Variants in PUM2 observed in about 807,000 individuals in gnomAD.
PUM2 encodes the protein pumilio homolog 2.
In PUM2, 57 loss-of-function variants were observed where a neutral mutation model predicts 124.5. The observed-to-expected ratio is 0.46, with a 90% confidence interval of 0.37 to 0.57. PUM2 has a LOEUF of 0.57. Among genes scored for constraint, PUM2 ranks in the 20% least tolerant of loss-of-function variants. The pLI, the probability that PUM2 is intolerant of heterozygous loss-of-function variation, is 0.00. For synonymous variants in PUM2, 460 were observed against 446.1 expected (o/e 1.03, Z -0.39); for missense variants, 1,065 against 1,290.6 (o/e 0.83, Z 2.68).
chr2:20,259,863 T>C (rs1665744298), intron 15 of PUM2, among the ~76,000 whole-genome samples: 1 of 152,200 alleles, frequency 6.6e-6, no homozygotes, highest in Non-Finnish European at 1.5e-5. Flanking sequence ...CTGTTTTCCA[T>C]AGCAGCTACA....
In PUM2 at chr2:20,278,570, GTTTT is replaced by G; in HGVS notation, c.1957+9_1957+12del. ...ATACATACAAATAAAAAGGGTTTTGGTTTTTTTTTTACCTAAATGCAAACTGGAT... is the reference window on the plus strand; with the variant it reads ...ATACATACAAATAAAAAGGGTTTTGGTTTTTTACCTAAATGCAAACTGGAT... On this transcript the variant is annotated intron_variant, in intron 13 of 20. Transcript: ENST00000361078. The G allele has an allele frequency of 7.4e-7, 1 of 1,352,880 alleles. No individual in the cohort carries two copies. 83.8% of individuals were successfully genotyped at this position (1,352,880 alleles called of 1,614,324 possible).
In PUM2 at chr2:20,297,913, T is replaced by C. The variant is rs575641436; in HGVS notation, c.884-235A>G. On this transcript the variant is annotated intron_variant, in intron 7 of 20. Coordinates refer to ENST00000361078, the MANE Select transcript of PUM2 (RefSeq NM_015317.5). ...CTGTGAGAATTAAATGTAATACCGA[T>C]TATGACATAACTGTACTGTCTCGAG... 2.6e-4 allele frequency among the ~76,000 whole-genome samples: 40 copies of C among 152,292 alleles called. No individual in the cohort carries two copies. In the South Asian group the frequency reaches 3.5e-3, roughly 13 times the overall value.
intron 1 of PUM2, among the ~76,000 whole-genome samples, chr2:20,332,300 T>C (rs890813474): frequency 6.6e-6 from 1 of 150,418 alleles, no homozygotes; most frequent in Non-Finnish European, 1.5e-5. Flanking sequence ...TGTGTGTGTG[T>C]GTGTGTGTGT....
At chr2:20,298,092 G>A (rs148484391) in intron 7 of PUM2, among the ~76,000 whole-genome samples, 195 of 152,320 alleles carry the variant, frequency 1.3e-3, no homozygotes, top group South Asian at 2.1e-3. Context: ...TTATGAGCTA[G>A]GGATTCAGTG....
chr2:20,335,083 C>G (rs1685719016), intron 1 of PUM2, among the ~76,000 whole-genome samples: 1 of 152,112 alleles, frequency 6.6e-6, no homozygotes, highest in South Asian at 2.1e-4. Context: ...GCCACCACCC[C>G]CAGCAAATTT....
At chr2:20,332,284 T>C (rs918539451) in intron 1 of PUM2, among the ~76,000 whole-genome samples, 1 of 50,254 alleles carries the variant, frequency 2.0e-5, no homozygotes, top group African/African-American at 5.6e-5. Context: ...ACTACTAGAG[T>C]GTGTGTGTGT....
At chr2:20,321,045 C>G (rs1362790831) in intron 2 of PUM2, among the ~76,000 whole-genome samples, 3 of 152,168 alleles carry the variant, frequency 2.0e-5, no homozygotes, top group Non-Finnish European at 4.4e-5. Context: ...CTAAAATAGA[C>G]TAATCTTATG....
chr2:20,249,815 G>C lies in PUM2; in HGVS notation c.*1770C>G, dbSNP rs1264264160. 1 of 152,546 alleles carries C rather than the reference G, an allele frequency of 6.6e-6. No homozygotes were observed. Among genetic ancestry groups the C allele is most frequent in the Non-Finnish European group, 1.5e-5 (1 of 68,014 alleles). 9.4% of individuals were successfully genotyped at this position (152,546 alleles called of 1,614,324 possible). On this transcript the variant is annotated 3_prime_UTR_variant, in exon 21 of 21. Transcript: ENST00000361078. ...TACAAAGCACTTTCTTTATCTTTCA[G>C]AAACTGAATATACACAGCAAGTTTT...
At chr2:20,327,454 T>C in intron 1 of PUM2, 76 bp from the exon 2 acceptor site, 2 of 897,494 alleles carry the variant, frequency 2.2e-6, no homozygotes, top group Non-Finnish European at 3.5e-6. Context: ...TATATTATAT[T>C]GCTGCTATGA....
intron 1 of PUM2, among the ~76,000 whole-genome samples, chr2:20,333,751 T>C (rs1685409963): frequency 1.3e-5 from 2 of 151,984 alleles, no homozygotes; most frequent in Admixed American, 6.6e-5. Flanking sequence ...TGAGATATGG[T>C]TTGGATCTGT....
At position 20,278,839 on chromosome 2, in the gene PUM2, A is replaced by G. The variant is rs377737055; in HGVS notation, c.1721-20T>C. ...TGCCAACTGAAGAAGAAATAAAAAAAACCCTAATTACATACAGTGTTAACT... is the reference window on the plus strand; with the variant it reads ...TGCCAACTGAAGAAGAAATAAAAAAGACCCTAATTACATACAGTGTTAACT... On this transcript the variant is annotated intron_variant, in intron 12 of 20. Coordinates refer to ENST00000361078, the MANE Select transcript of PUM2 (RefSeq NM_015317.5). 422 of 1,582,208 alleles carry G rather than the reference A, an allele frequency of 2.7e-4. No individual in the cohort carries two copies. Among genetic ancestry groups the G allele is most frequent in the Non-Finnish European group, 3.4e-4 (395 of 1,152,830 alleles).
intron 8 of PUM2, 94 bp from the exon 9 acceptor site, chr2:20,294,612 G>T: frequency 7.4e-7 from 1 of 1,350,012 alleles, no homozygotes. Flanking sequence ...AAGGGGGCAG[G>T]AAGAAGACTT....
chr2:20,258,115 C>G, intron 16 of PUM2, 128 bp downstream of exon 16: 1 of 845,376 alleles, frequency 1.2e-6, no homozygotes, highest in East Asian at 2.8e-5. Context: ...GACACAGTAA[C>G]AACATTTTAG....
At chr2:20,325,653 G>A (rs533080361) in intron 2 of PUM2, among the ~76,000 whole-genome samples, 297 of 146,784 alleles carry the variant, frequency 2.0e-3, no homozygotes, top group Non-Finnish European at 3.5e-3. Flanking sequence ...ACGGAGTCTC[G>A]GTTTGTCCCC....
chr2:20,318,740 G>C, intron 2 of PUM2, 95 bp from the exon 3 acceptor site: 2 of 756,838 alleles, frequency 2.6e-6, no homozygotes, highest in Non-Finnish European at 2.1e-6. Context: ...GTATACATTA[G>C]TTTTCAATGC....
chr2:20,307,427 T>C (rs1330998691), intron 7 of PUM2, among the ~76,000 whole-genome samples: 1 of 152,140 alleles, frequency 6.6e-6, no homozygotes, highest in African/African-American at 2.4e-5. Context: ...TATACATACA[T>C]ACTGCATCAA....
intron 5 of PUM2, among the ~76,000 whole-genome samples, chr2:20,309,943 T>G (rs370001955): frequency 3.3e-5 from 5 of 152,124 alleles, no homozygotes; most frequent in African/African-American, 1.2e-4. Flanking sequence ...CACACCTAAT[T>G]TTGTACGTGA....
At chr2:20,309,279 G>C (rs1427701037) in intron 5 of PUM2, among the ~76,000 whole-genome samples, 1 of 152,010 alleles carries the variant, frequency 6.6e-6, no homozygotes, top group Non-Finnish European at 1.5e-5. Context: ...AAGAACAAAA[G>C]CAACTATTTA....
rs912879039 is a variant in PUM2 at position 20,313,881 on chromosome 2, TCCTGTAATC to T, written c.161-1467_161-1459del. Among the ~76,000 whole-genome samples the T allele has an allele frequency of 3.6e-4, 49 of 134,546 alleles. 1 individual carries two copies. The highest frequency in any genetic ancestry group is 1.3e-3 in the African/African-American group (49 of 36,506). 88.3% of individuals were successfully genotyped at this position (134,546 alleles called of 152,430 possible). A position where few individuals can be genotyped will look rare whatever the true frequency, so the allele number is the denominator to read the frequency against. ...AAAAAGGCCAGGGGCAGTGACTCAC[TCCTGTAATC>T]CCAGTACTTTGACAGACTGAGGCGG... On this transcript the variant is annotated intron_variant, in intron 3 of 20. Transcript: ENST00000361078.
Sources: allele counts gnomAD v4.1 joint callset (sites outside exome capture counted in the v4.1 genomes callset), GRCh38; gene constraint gnomAD v4.1.1; transcripts MANE v1.5; gene names NCBI Gene and HGNC (gene_info 2026-07-23, HGNC 2026-07-21).